The following MUC6 variants were observed in gnomAD, a reference collection of about 807,000 sequenced individuals.
MUC6 encodes the protein mucin-6.
In MUC6, 188 loss-of-function variants were observed where a neutral mutation model predicts 201.5. The ratio of observed to expected loss-of-function variants is 0.93; its 90% CI spans 0.83 to 1.05. The LOEUF (loss-of-function observed/expected upper bound fraction) is 1.05, where lower values mean the gene tolerates loss of function less well. Among genes scored for constraint, MUC6 ranks in the 50% least tolerant of loss-of-function variants. The pLI, the probability that MUC6 is intolerant of heterozygous loss-of-function variation, is 0.00. For synonymous variants in MUC6, 1,228 were observed against 1,389.4 expected, an observed-to-expected ratio of 0.88 and a Z score of 2.58; for missense variants, 2,706 against 3,256.9, an observed-to-expected ratio of 0.83 and a Z score of 4.12.
In MUC6 at chr11:1,015,182, C is replaced by T. The variant is rs115411304; in HGVS notation, c.7039+580G>A. On this transcript the variant is annotated intron_variant, in intron 31 of 32. Coordinates refer to ENST00000421673, the MANE Select transcript of MUC6 (RefSeq NM_005961.3). ...GCTCTGTCCCCAGGCATCCCATGGCCTGGGGAGCAGTGGACTCGCTCACAG... is the reference window on the plus strand; with the variant it reads ...GCTCTGTCCCCAGGCATCCCATGGCTTGGGGAGCAGTGGACTCGCTCACAG... 8.4e-3 allele frequency among the ~76,000 whole-genome samples: 1,265 copies of T among 151,340 alleles called. 17 individuals carry two copies. Among genetic ancestry groups the T allele is most frequent in the African/African-American group, 0.03 (1,222 of 41,184 alleles).
At chr11:1,013,873 G>A (rs950957752) in intron 32 of MUC6, 26 bp downstream of exon 32, 1 of 1,584,540 alleles carries the variant, frequency 6.3e-7, no homozygotes, top group Non-Finnish European at 8.6e-7. Context: ...GTGGACGTGG[G>A]GCAGGCCTCC....
In MUC6 at chr11:1,030,232, G is replaced by A. The variant is rs780652391; in HGVS notation, c.996C>T (p.Phe332=). 2.0e-5 allele frequency: 31 copies of A among 1,551,718 alleles called. No individual in the cohort carries two copies. Among genetic ancestry groups the A allele is most frequent in the East Asian group, 9.7e-5 (4 of 41,038 alleles). The part of the protein sequence containing the change: ...PQHSCSSSCT[F]GCFCPEGTVL... ...CCTCACCTTCCGGGCAGAAGCACCCGAAGGTGCAGGAGCTGGAGCAGCTGT... is the reference window on the plus strand; with the variant it reads ...CCTCACCTTCCGGGCAGAAGCACCCAAAGGTGCAGGAGCTGGAGCAGCTGT... Residue 332 remains phenylalanine, a synonymous_variant, in exon 8 of 33, where the codon TTC becomes TTT. Transcript: ENST00000421673.
At position 1,019,457 on chromosome 11, in the gene MUC6, G is replaced by A. The variant is rs771821772; in HGVS notation, c.3848C>T (p.Thr1283Ile). 11 of 1,613,826 alleles carry A rather than the reference G, an allele frequency of 6.8e-6. No homozygotes were observed. The Admixed American group carries it at 1.3e-4, about 20-fold the overall frequency. ...RPTTAVTPQA[T>I]SGLPPTATLR... ...TGTGGCTGTGGGAGGCAGCCCTGAT[G>A]TGGCTTGTGGGGTGACGGCCGTGGT... The change falls in exon 30 of 33, where the codon ACA (threonine) becomes ATA (isoleucine). Residue 1283 changes from threonine (T) to isoleucine (I), a missense_variant. This residue lies in a region of MUC6 where 1,850 missense variants were observed against 1,958.3 expected (regional missense o/e 0.94). Transcript: ENST00000421673.
At position 1,025,536 on chromosome 11, in the gene MUC6, A is replaced by G. The variant is rs1212920691; in HGVS notation, c.2800-169T>C. 3.3e-5 allele frequency among the ~76,000 whole-genome samples: 5 copies of G among 152,222 alleles called. 1 individual carries two copies. Among genetic ancestry groups the G allele is most frequent in the East Asian group, 1.9e-4 (1 of 5,184 alleles). On this transcript the variant is annotated intron_variant, in intron 22 of 32. Coordinates refer to ENST00000421673, the MANE Select transcript of MUC6 (RefSeq NM_005961.3). ...CAGAAGGGCCTGGCATGCCTGGAAC[A>G]GGGCTGAGGGCTGAAGCTCGGGCTT...
In MUC6 at chr11:1,016,544, G is replaced by A; in HGVS notation, c.6257C>T (p.Ser2086Phe). Reference sequence around the variant, plus strand: ...CAGCCAAGACGAGGAGGATATGAAGGAAGAAGAGGCTGTAGCTGTGCTGAA... The same window carrying A: ...CAGCCAAGACGAGGAGGATATGAAGAAAGAAGAGGCTGTAGCTGTGCTGAA... ...SSFSTATASS[S>F]FISSSSWLPQ... The change falls in exon 31 of 33, where the codon TCC (serine) becomes TTC (phenylalanine). Residue 2086 changes from serine to phenylalanine, a missense_variant. Physicochemically the swap from Ser to Phe is radical, Grantham distance 155 (BLOSUM62 -2). Around this residue, in one of 10 missense-constraint regions of MUC6, gnomAD observed 586 missense variants for 488.0 expected, o/e 1.20. Coordinates refer to ENST00000421673, the MANE Select transcript of MUC6 (RefSeq NM_005961.3). 2 of 1,613,500 alleles carry A rather than the reference G, an allele frequency of 1.2e-6. No homozygotes were observed. The highest frequency in any genetic ancestry group is 1.7e-6 in the Non-Finnish European group (2 of 1,179,488).
chr11:1,024,696 G>A, intron 24 of MUC6, 148 bp downstream of exon 24: 1 of 1,326,962 alleles, frequency 7.5e-7, no homozygotes, highest in Non-Finnish European at 1.0e-6. Flanking sequence ...CTGCACTCAG[G>A]CAGAGGGTCT....
chr11:1,022,188 G>C (rs1306484545), intron 26 of MUC6, among the ~76,000 whole-genome samples: 1 of 124,226 alleles, frequency 8.0e-6, no homozygotes, highest in African/African-American at 3.2e-5. Flanking sequence ...ACAGCCCCGC[G>C]CCCCTCACTC....
Position 1,026,931 on chromosome 11 carries a change from GC to G in MUC6, c.2394+9del. On this transcript the variant is annotated intron_variant, in intron 19 of 32. Transcript: ENST00000421673. ...CGGGCATTGTCCCTGCTCCTCGCGC[GC>G]CCCCTTACGCAGGCAACACCGGTGG... 6.4e-7 allele frequency: 1 copy of G among 1,564,568 alleles called. No homozygotes were observed. The highest frequency in any genetic ancestry group is 8.7e-7 in the Non-Finnish European group (1 of 1,154,042).
At chr11:1,024,158 G>C (rs1856894016) in intron 24 of MUC6, 55 bp from the exon 25 acceptor site, 1 of 1,567,014 alleles carries the variant, frequency 6.4e-7, no homozygotes, top group South Asian at 1.2e-5. Context: ...CGGGGCATCA[G>C]GCTTTGCCAC....
rs1051859430 is a variant in MUC6 at position 1,028,707 on chromosome 11, C to T, written c.1530G>A (p.Gln510=). The T allele has an allele frequency of 5.6e-6, 9 of 1,611,768 alleles. No individual in the cohort carries two copies. Among genetic ancestry groups the T allele is most frequent in the Non-Finnish European group, 5.9e-6 (7 of 1,179,496 alleles). The change falls in exon 13 of 33, where the codon CAG becomes CAA. Residue 510 remains glutamine, a synonymous_variant. Transcript: ENST00000421673. ...ATSFGLELVV[Q]LRPIFQAYVT... ...CATAGGCCTGGAAGATGGGGCGCAG[C>T]TGGACCACGAGCTCCAGCCCGAAGC...
In MUC6 at chr11:1,031,827, T is replaced by A; in HGVS notation, c.342A>T (p.Ser114=). 2.5e-6 allele frequency: 4 copies of A among 1,608,710 alleles called. No homozygotes were observed. Among genetic ancestry groups the A allele is most frequent in the Non-Finnish European group, 3.4e-6 (4 of 1,178,268 alleles). ...SVVTVSEAII[S]VKDIGVISLP... Reference sequence around the variant, plus strand: ...ACCTGACCTACCCGATGTCCTTGACTGAGATGATGGCTTCGCTCACAGTGA... The same window carrying A: ...ACCTGACCTACCCGATGTCCTTGACAGAGATGATGGCTTCGCTCACAGTGA... Residue 114 remains serine, a synonymous_variant, in exon 3 of 33, where the codon TCA becomes TCT. Coordinates refer to ENST00000421673, the MANE Select transcript of MUC6 (RefSeq NM_005961.3).
Position 1,029,378 on chromosome 11 carries a change from C to A in MUC6, c.1137-12G>T. 6.3e-7 allele frequency: 1 copy of A among 1,593,144 alleles called. No homozygotes were observed. Among genetic ancestry groups the A allele is most frequent in the South Asian group, 1.1e-5 (1 of 88,348 alleles). On this transcript the variant is annotated splice_polypyrimidine_tract_variant and intron_variant, in intron 9 of 32. Coordinates refer to ENST00000421673, the MANE Select transcript of MUC6 (RefSeq NM_005961.3). ...CCAGGGTGCACCGGCTGTGGGTGGG[C>A]GTGGGGGTAGCGGCATGGTGGGCAG...
In MUC6 at chr11:1,027,338, A is replaced by C; in HGVS notation, c.2161T>G (p.Cys721Gly). 1 of 1,612,970 alleles carries C rather than the reference A, an allele frequency of 6.2e-7. No homozygotes were observed. The highest frequency in any genetic ancestry group is 8.5e-7 in the Non-Finnish European group (1 of 1,179,834). Reference sequence around the variant, plus strand: ...TTGTAACCCTCCAGTATGCACGGGCACTGGGCCTTGCGCACACACTCGCCC... The same window carrying C: ...TTGTAACCCTCCAGTATGCACGGGCCCTGGGCCTTGCGCACACACTCGCCC... ...QKGECVRKAQCPCILEGYKFI... is the reference protein window; with the variant it reads ...QKGECVRKAQGPCILEGYKFI... Residue 721 changes from cysteine (C) to glycine (G), a missense_variant, in exon 17 of 33, where the codon TGC (cysteine) becomes GGC (glycine). By Grantham distance (159) the Cys-to-Gly change is radical. Transcript: ENST00000421673.
chr11:1,024,834 C>T lies in MUC6; in HGVS notation c.3225+10G>A, dbSNP rs760401718. On this transcript the variant is annotated intron_variant, in intron 24 of 32. Coordinates refer to ENST00000421673, the MANE Select transcript of MUC6 (RefSeq NM_005961.3). ...GGGGCAGGCGCACAGCCCTCGTGCC[C>T]GGTGCCCACCTTGCTGTGGCAGGTG... 15 of 1,605,948 alleles carry T rather than the reference C, an allele frequency of 9.3e-6. No homozygotes were observed. The highest frequency in any genetic ancestry group is 1.6e-4 in the Middle Eastern group (1 of 6,064).
In MUC6 at chr11:1,036,466, G is replaced by A. The variant is rs114347259; in HGVS notation, c.52+138C>T. 5,671 of 1,006,224 alleles carry A rather than the reference G, an allele frequency of 5.6e-3. 209 individuals carry two copies. In the African/African-American group the frequency reaches 0.076, roughly 14 times the overall value. The allele number at this position is 1,006,224 out of a possible 1,614,324, so 62.3% of individuals were successfully genotyped here. A position where few individuals can be genotyped will look rare whatever the true frequency, so the allele number is the denominator to read the frequency against. The stretch of plus-strand genomic sequence containing the variant: ...GGGCCTGGCAGCGGGGGCTGGTCAC[G>A]GAGCCGAGCTGGGGCCTCCCGTCCA... On this transcript the variant is annotated intron_variant, in intron 1 of 32. Coordinates refer to ENST00000421673, the MANE Select transcript of MUC6 (RefSeq NM_005961.3).
At chr11:1,036,330 C>T (rs767761533) in intron 1 of MUC6, among the ~76,000 whole-genome samples, 1 of 152,206 alleles carries the variant, frequency 6.6e-6, no homozygotes, top group Non-Finnish European at 1.5e-5. Context: ...AGCTGAGCGT[C>T]CTCCCCCGCT....
chr11:1,023,194 C>A (rs529721297), intron 26 of MUC6, among the ~76,000 whole-genome samples: 80 of 150,050 alleles, frequency 5.3e-4, no homozygotes, highest in Middle Eastern at 3.6e-3. Flanking sequence ...AATGTGACTG[C>A]GTGAATGAGC....
At position 1,017,463 on chromosome 11, in the gene MUC6, TTCTG is replaced by T. The variant is rs1856666586; in HGVS notation, c.5334_5337del (p.Arg1779ProfsTer69). On this transcript the variant is annotated frameshift_variant, in exon 31 of 33. Coordinates refer to ENST00000421673, the MANE Select transcript of MUC6 (RefSeq NM_005961.3). LOFTEE classifies it high-confidence loss of function. ...GCCGACGTGGTGTGGGCCACAGGGG[TTCTG>T]GTGCCTGTACTGGTGTGGTTGGGGG... is the stretch of plus-strand genomic sequence containing the variant. 14 of 1,602,688 alleles carry T rather than the reference TTCTG, an allele frequency of 8.7e-6. No homozygotes were observed. Among genetic ancestry groups the T allele is most frequent in the Middle Eastern group, 1.7e-4 (1 of 6,016 alleles).
chr11:1,015,876 C>T lies in MUC6; in HGVS notation c.6925G>A (p.Gly2309Ser), dbSNP rs1554896172. 6 of 1,608,420 alleles carry T rather than the reference C, an allele frequency of 3.7e-6. No individual in the cohort carries two copies. Among genetic ancestry groups the T allele is most frequent in the Non-Finnish European group, 5.1e-6 (6 of 1,176,868 alleles). ...PVTNLTTRHP[G>S]PTLSPTTRFL... Reference sequence around the variant, plus strand: ...CGTGTGGTAGGCGACAAGGTGGGACCAGGGTGCCTGGTGGTAAGGTTGGTG... The same window carrying T: ...CGTGTGGTAGGCGACAAGGTGGGACTAGGGTGCCTGGTGGTAAGGTTGGTG... The change falls in exon 31 of 33, where the codon GGT becomes AGT. Residue 2309 changes from glycine (G) to serine (S), a missense_variant. Coordinates refer to ENST00000421673, the MANE Select transcript of MUC6 (RefSeq NM_005961.3).
Sources: gnomAD v4.1 joint callset for allele counts (sites outside exome capture counted in the v4.1 genomes callset) on GRCh38, gnomAD v4.1.1 for gene constraint, gnomAD v4.1.1 regional missense constraint, MANE v1.5 for transcripts, NCBI Gene and HGNC (gene_info 2026-07-23, HGNC 2026-07-21) for gene names.